Variants in ALMS1 observed in about 807,000 individuals in gnomAD.
ALMS1 encodes centrosome-associated protein ALMS1.
In ALMS1, 271 loss-of-function variants were observed where a neutral mutation model predicts 352.2. The observed-to-expected ratio is 0.77, with a 90% CI of 0.70 to 0.85. The LOEUF (loss-of-function observed/expected upper bound fraction) is 0.85. Among genes scored for constraint, ALMS1 ranks in the 40% least tolerant of loss-of-function variants. The probability of loss-of-function intolerance (pLI) is 0.00; values close to 1 mark genes in which losing one functional copy is unlikely to be tolerated. For missense variants in ALMS1, 5,445 were observed against 4,870.7 expected (o/e 1.12, Z -3.51); for synonymous variants, 1,865 against 1,761.2 (o/e 1.06, Z -1.48).
chr2:73,424,598 T>C lies in ALMS1; in HGVS notation c.933T>C (p.Pro311=), dbSNP rs773082101. 6 of 1,613,908 alleles carry C rather than the reference T, an allele frequency of 3.7e-6. No individual in the cohort carries two copies. The highest frequency in any genetic ancestry group is 4.2e-6 in the Non-Finnish European group (5 of 1,179,950). ...GCACAGCTGTTGGGTCTCAGTGCCC[T>C]TTTTTACCTTCTGAACAAGGGAATA... ...IGSTAVGSQC[P]FLPSEQGNNE... is the part of the protein sequence containing the mutation. The change falls in exon 5 of 23, where the codon CCT becomes CCC. Residue 311 remains proline, a synonymous_variant. Transcript: ENST00000613296.
intron 15 of ALMS1, among the ~76,000 whole-genome samples, chr2:73,568,775 G>A (rs1674854828): frequency 6.6e-6 from 1 of 152,144 alleles, no homozygotes; most frequent in African/African-American, 2.4e-5. Flanking sequence ...TAAATGAAAA[G>A]CAGTAAATGA....
In ALMS1 at chr2:73,496,288, TCTTC is replaced by T. The variant is rs201617197; in HGVS notation, c.9539+4794_9539+4797del. 3.0e-4 allele frequency among the ~76,000 whole-genome samples: 46 copies of T among 152,332 alleles called. No homozygotes were observed. In the East Asian group the frequency reaches 8.7e-3, roughly 29 times the overall value. ...ACCCCTGGCAGTCCCTGGTCTGTAT[TCTTC>T]CTTAGAGTTTTGCCTTTCTAGAGTG... On this transcript the variant is annotated intron_variant, in intron 10 of 22. Transcript: ENST00000613296.
intron 13 of ALMS1, among the ~76,000 whole-genome samples, chr2:73,553,027 A>C (rs1674470996): frequency 6.6e-6 from 1 of 152,234 alleles, no homozygotes; most frequent in Admixed American, 6.5e-5. Context: ...TAAATTTCAG[A>C]ACTGAAAGAT....
At chr2:73,571,514 C>A (rs981196252) in intron 15 of ALMS1, among the ~76,000 whole-genome samples, 1 of 152,026 alleles carries the variant, frequency 6.6e-6, no homozygotes, top group Non-Finnish European at 1.5e-5. Flanking sequence ...AGCCTTCAGG[C>A]CAAAGGGCAC....
chr2:73,487,165 G>C (rs901871610), intron 9 of ALMS1, among the ~76,000 whole-genome samples: 1 of 152,212 alleles, frequency 6.6e-6, no homozygotes, highest in African/African-American at 2.4e-5. Context: ...TCACACTGCT[G>C]GGCACATTCT....
chr2:73,473,117 G>C (rs1260716261), intron 9 of ALMS1, among the ~76,000 whole-genome samples: 1 of 152,044 alleles, frequency 6.6e-6, no homozygotes, highest in African/African-American at 2.4e-5. Flanking sequence ...GGCTTGAGAA[G>C]ACCCTAAGCT....
chr2:73,402,074 C>T (rs941460808), intron 1 of ALMS1, among the ~76,000 whole-genome samples: 2 of 150,646 alleles, frequency 1.3e-5, no homozygotes, highest in African/African-American at 4.9e-5. Context: ...GTGTGTGTGT[C>T]TTGTAGTTTA....
chr2:73,473,365 C>A (rs1257935151), intron 9 of ALMS1, among the ~76,000 whole-genome samples: 1 of 151,948 alleles, frequency 6.6e-6, no homozygotes, highest in African/African-American at 2.4e-5. Flanking sequence ...CAGTTCCATG[C>A]ACAACAAAGA....
intron 5 of ALMS1, among the ~76,000 whole-genome samples, chr2:73,425,995 T>C (rs968274141): frequency 6.6e-6 from 1 of 152,200 alleles, no homozygotes; most frequent in Non-Finnish European, 1.5e-5. Context: ...ACAGTCAGCT[T>C]TATTTCAGTG....
At position 73,391,104 on chromosome 2, in the gene ALMS1, T is replaced by C. The variant is rs72907392; in HGVS notation, c.324+4912T>C. 4.2e-3 allele frequency among the ~76,000 whole-genome samples: 633 copies of C among 151,946 alleles called. 6 individuals carry two copies. Among genetic ancestry groups the C allele is most frequent in the African/African-American group, 0.013 (531 of 41,446 alleles). On this transcript the variant is annotated intron_variant, in intron 1 of 22. Transcript: ENST00000613296. The stretch of plus-strand genomic sequence containing the variant: ...GTGTTTGGAAATCTTTAGTTTCCTC[T>C]CTGTCAGCTTCTTTCCCCATCTTCC...
At chr2:73,409,948 G>A (rs1488335485) in intron 2 of ALMS1, among the ~76,000 whole-genome samples, 2 of 152,176 alleles carry the variant, frequency 1.3e-5, no homozygotes, top group African/African-American at 4.8e-5. Context: ...CCTCCAGCTG[G>A]AAGACCATCA....
In ALMS1 at chr2:73,448,157, G is replaced by A. The variant is rs1267086121; in HGVS notation, c.1630G>A (p.Asp544Asn). ...TACTCTCAACCAAAAGACATTAGCA[G>A]ATACTCATCTAACTGAAGAGACTCT... Reference protein sequence around the residue: ...TDTLNQKTLADTHLTEETLKV... With the variant: ...TDTLNQKTLANTHLTEETLKV... The change falls in exon 8 of 23, where the codon GAT becomes AAT. Residue 544 changes from aspartate to asparagine, a missense_variant. Transcript: ENST00000613296. 8.1e-6 allele frequency: 13 copies of A among 1,614,008 alleles called. No homozygotes were observed. In the South Asian group the frequency reaches 8.8e-5, roughly 11 times the overall value.
intron 1 of ALMS1, among the ~76,000 whole-genome samples, chr2:73,397,226 A>T (rs1035830151): frequency 6.6e-6 from 1 of 152,168 alleles, no homozygotes; most frequent in African/African-American, 2.4e-5. Flanking sequence ...CTTCCCTAGT[A>T]CTAGTTAGTT....
At position 73,448,751 on chromosome 2, in the gene ALMS1, A is replaced by G. The variant is rs1431392216; in HGVS notation, c.2224A>G (p.Lys742Glu). The G allele has an allele frequency of 6.9e-6, 11 of 1,605,088 alleles. No individual in the cohort carries two copies. The highest frequency in any genetic ancestry group is 4.4e-5 in the South Asian group (4 of 90,484). Reference sequence around the variant, plus strand: ...TCATCAAACTGAAGAGACTCTTACTAAAGTTTCAGCCACTCCTGGACCAGC... The same window carrying G: ...TCATCAAACTGAAGAGACTCTTACTGAAGTTTCAGCCACTCCTGGACCAGC... Reference protein sequence around the residue: ...DSHQTEETLTKVSATPGPADQ... With the variant: ...DSHQTEETLTEVSATPGPADQ... Residue 742 changes from lysine to glutamate, a missense_variant, in exon 8 of 23, where the codon AAA (lysine) becomes GAA (glutamate). By Grantham distance (56) the Lys-to-Glu change is moderately conservative. Transcript: ENST00000613296.
chr2:73,560,283 G>A (rs1421380690), intron 15 of ALMS1, among the ~76,000 whole-genome samples: 1 of 152,100 alleles, frequency 6.6e-6, no homozygotes, highest in East Asian at 1.9e-4. Context: ...GCCATATCAA[G>A]CATATAAAAA....
chr2:73,481,366 T>C (rs1024945942), intron 9 of ALMS1, among the ~76,000 whole-genome samples: 1 of 152,170 alleles, frequency 6.6e-6, no homozygotes, highest in South Asian at 2.1e-4. Flanking sequence ...TTCTCAGGTT[T>C]GTCAAAGATC....
At chr2:73,518,411 G>T (rs953860598) in intron 10 of ALMS1, among the ~76,000 whole-genome samples, 1 of 152,106 alleles carries the variant, frequency 6.6e-6, no homozygotes, top group Admixed American at 6.5e-5. Context: ...ATTGTGAATA[G>T]TACTATAATG....
chr2:73,508,000 G>T (rs1021561864), intron 10 of ALMS1, among the ~76,000 whole-genome samples: 1 of 152,158 alleles, frequency 6.6e-6, no homozygotes, highest in Non-Finnish European at 1.5e-5. Flanking sequence ...TGGTTTCACA[G>T]AATTTATTTC....
chr2:73,600,592 A>G, intron 17 of ALMS1, 86 bp from the exon 18 acceptor site: 3 of 1,252,758 alleles, frequency 2.4e-6, no homozygotes, highest in Non-Finnish European at 3.3e-6. Flanking sequence ...TTGAAACATT[A>G]AAAAGGGTTC....
Sources: gnomAD v4.1 joint callset for allele counts (sites outside exome capture counted in the v4.1 genomes callset) on GRCh38, gnomAD v4.1.1 for gene constraint, MANE v1.5 for transcripts, NCBI Gene and HGNC (gene_info 2026-07-23, HGNC 2026-07-21) for gene names.